PITPNC1: variants seen among roughly 807,000 people sequenced by gnomAD.
The protein encoded by PITPNC1 is cytoplasmic phosphatidylinositol transfer protein 1.
In PITPNC1, 18 loss-of-function variants were observed where a neutral mutation model predicts 44.7. That is an observed-to-expected ratio of 0.40 (90% CI 0.28 to 0.60). The LOEUF is 0.60. PITPNC1 is among the 20% of genes least tolerant of loss of function. PITPNC1 has a pLI of 0.39. For synonymous variants in PITPNC1, 141 were observed against 149.6 expected (o/e 0.94, Z 0.42); for missense variants, 290 against 418.4 (o/e 0.69, Z 2.68).
At chr17:67,633,060 C>T (rs544910504) in intron 6 of PITPNC1, among the ~76,000 whole-genome samples, 10 of 152,272 alleles carry the variant, frequency 6.6e-5, no homozygotes, top group African/African-American at 2.2e-4. Flanking sequence ...TCTTGTTATA[C>T]GGTTTGTGCA....
intron 1 of PITPNC1, among the ~76,000 whole-genome samples, chr17:67,473,956 TTATC>T (rs553678607): frequency 5.1e-4 from 78 of 152,368 alleles, no homozygotes; most frequent in African/African-American, 1.8e-3. Context: ...AGGTATTTGT[TTATC>T]TATCCTCTCA....
At chr17:67,451,200 A>T (rs1011182577) in intron 1 of PITPNC1, among the ~76,000 whole-genome samples, 3 of 151,540 alleles carry the variant, frequency 2.0e-5, no homozygotes, top group Non-Finnish European at 4.4e-5. Flanking sequence ...CCCAGCTAAT[A>T]TTTGTATTTT....
intron 1 of PITPNC1, among the ~76,000 whole-genome samples, chr17:67,425,193 G>GCGCGCGCGCGCACACACACACA (rs1160522771): frequency 5.2e-4 from 27 of 52,112 alleles, no homozygotes; most frequent in East Asian, 3.9e-3. Context: ...TTGTGCGCGC[G>GCGCGCGCGCGCACACACACACA]CACGCACACG....
chr17:67,564,421 C>T (rs2040947762), intron 4 of PITPNC1, among the ~76,000 whole-genome samples: 1 of 152,066 alleles, frequency 6.6e-6, no homozygotes, highest in African/African-American at 2.4e-5. Flanking sequence ...GAGTGTGTCC[C>T]CACTCCAGCA....
chr17:67,599,035 T>TATATATATATATATATATATATATATA (rs71139161), intron 5 of PITPNC1, among the ~76,000 whole-genome samples: 4 of 28,902 alleles, frequency 1.4e-4, no homozygotes, highest in East Asian at 1.1e-3. Flanking sequence ...TATATATATA[T>TATATATATATATATATATATATATATA]TTTTTTTTTT....
At chr17:67,564,690 A>C (rs1261288871) in intron 4 of PITPNC1, among the ~76,000 whole-genome samples, 1 of 152,222 alleles carries the variant, frequency 6.6e-6, no homozygotes, top group Non-Finnish European at 1.5e-5. Context: ...TTTAAGTTAA[A>C]GTAGATTAAA....
At chr17:67,628,775 G>A (rs1259674227) in intron 5 of PITPNC1, among the ~76,000 whole-genome samples, 1 of 152,172 alleles carries the variant, frequency 6.6e-6, no homozygotes, top group Non-Finnish European at 1.5e-5. Flanking sequence ...AGTGGTTACT[G>A]GGCCCAGGCT....
chr17:67,621,963 C>A (rs897079838), intron 5 of PITPNC1, among the ~76,000 whole-genome samples: 1 of 152,124 alleles, frequency 6.6e-6, no homozygotes, highest in Admixed American at 6.6e-5. Context: ...TTTGCAAAAA[C>A]TATGATTACT....
chr17:67,567,013 T>C (rs74403452), intron 4 of PITPNC1, among the ~76,000 whole-genome samples: 2,698 of 152,346 alleles, frequency 0.018, 33 homozygotes, highest in Non-Finnish European at 0.025. Context: ...AATGAGTTAA[T>C]AGATGAACTA....
intron 1 of PITPNC1, among the ~76,000 whole-genome samples, chr17:67,403,583 C>A (rs1357525346): frequency 1.3e-5 from 2 of 152,180 alleles, no homozygotes; most frequent in East Asian, 3.8e-4. Flanking sequence ...TCTAGTGGGC[C>A]AGGCCCAATG....
chr17:67,481,867 A>G (rs1472897359), intron 1 of PITPNC1, among the ~76,000 whole-genome samples: 2 of 152,126 alleles, frequency 1.3e-5, no homozygotes, highest in African/African-American at 4.8e-5. Flanking sequence ...AACAATTCGA[A>G]GTAGTATATG....
chr17:67,384,658 C>T (rs1478819077), intron 1 of PITPNC1, among the ~76,000 whole-genome samples: 2 of 152,180 alleles, frequency 1.3e-5, no homozygotes, highest in Non-Finnish European at 2.9e-5. Flanking sequence ...ATCTCCTGAC[C>T]TCGTGATCTG....
In PITPNC1 at chr17:67,676,737, G is replaced by T. The variant is rs2042609393; in HGVS notation, c.682+1195G>T. On this transcript the variant is annotated intron_variant, in intron 8 of 8. Coordinates refer to ENST00000581322, the MANE Select transcript of PITPNC1 (RefSeq NM_012417.4). The surrounding 1 kb of genome is among the most constrained non-coding windows in gnomAD (Gnocchi z 4.0). ...TAAAAGGACACGTTAGACGGAAGGG[G>T]CAAAGACAGTCATTATTATTAATAT... Among the ~76,000 whole-genome samples the T allele has an allele frequency of 6.6e-6, 1 of 152,044 alleles. No individual in the cohort carries two copies. Among genetic ancestry groups the T allele is most frequent in the Admixed American group, 6.6e-5 (1 of 15,248 alleles).
chr17:67,668,602 A>G (rs904594705), intron 6 of PITPNC1, among the ~76,000 whole-genome samples: 1 of 152,062 alleles, frequency 6.6e-6, no homozygotes, highest in Admixed American at 6.6e-5. Flanking sequence ...GGTGGCTCAC[A>G]CCTGTAATCC....
At chr17:67,387,654 ACT>A (rs1399522845) in intron 1 of PITPNC1, among the ~76,000 whole-genome samples, 1 of 151,982 alleles carries the variant, frequency 6.6e-6, no homozygotes, top group African/African-American at 2.4e-5. Flanking sequence ...ACAGAGCGAA[ACT>A]CTGTCTCAAA....
In PITPNC1 at chr17:67,378,106, TG is replaced by T. The variant is rs559067822; in HGVS notation, c.-44del. The T allele has an allele frequency of 9.1e-4, 1,285 of 1,410,844 alleles. 9 individuals carry two copies. The African/African-American group carries it at 0.017, about 19-fold the overall frequency. The allele number at this position is 1,410,844 out of a possible 1,614,324, so 87.4% of individuals were successfully genotyped here. On this transcript the variant is annotated 5_prime_UTR_variant, in exon 1 of 9. Transcript: ENST00000581322. ...GCCTGGGCAGCAGCCTTGCTGGTCTTGGGGGCGCCCCCCGCTTCCCGCCCCG... is the reference window on the plus strand; with the variant it reads ...GCCTGGGCAGCAGCCTTGCTGGTCTTGGGGCGCCCCCCGCTTCCCGCCCCG...
At chr17:67,635,376 C>T (rs1269269057) in intron 6 of PITPNC1, among the ~76,000 whole-genome samples, 1 of 152,082 alleles carries the variant, frequency 6.6e-6, no homozygotes, top group African/African-American at 2.4e-5. Context: ...TTGGGATGGC[C>T]TTAAGGATTC....
intron 1 of PITPNC1, among the ~76,000 whole-genome samples, chr17:67,486,179 C>T (rs2039775200): frequency 6.6e-6 from 1 of 151,954 alleles, no homozygotes; most frequent in South Asian, 2.1e-4. Context: ...TATGGTCATT[C>T]TGCTGTTTAA....
At chr17:67,497,146 T>C (rs2039962730) in intron 1 of PITPNC1, among the ~76,000 whole-genome samples, 1 of 152,076 alleles carries the variant, frequency 6.6e-6, no homozygotes, top group African/African-American at 2.4e-5. Flanking sequence ...TTAAAAATAA[T>C]TAACATGAGA....
Sources: allele counts gnomAD v4.1 joint callset (sites outside exome capture counted in the v4.1 genomes callset), GRCh38; gene constraint gnomAD v4.1.1; non-coding constraint Gnocchi (gnomAD v3.1); transcripts MANE v1.5; gene names NCBI Gene and HGNC (gene_info 2026-07-23, HGNC 2026-07-21).